The following ALCAM variants were observed in gnomAD, a reference collection of about 807,000 sequenced individuals.
The protein encoded by ALCAM is CD166 antigen.
Under a neutral mutation model 70.9 loss-of-function variants are expected in ALCAM, and 30 were observed. The observed-to-expected ratio is 0.42, with a 90% CI of 0.32 to 0.57. The LOEUF is 0.57. Among genes scored for constraint, ALCAM ranks in the 20% least tolerant of loss-of-function variants. The probability of loss-of-function intolerance (pLI) is 0.11; values close to 1 mark genes in which losing one functional copy is unlikely to be tolerated. For missense variants in ALCAM, 591 were observed against 695.1 expected (o/e 0.85, Z 1.68); for synonymous variants, 249 against 242.5 (o/e 1.03, Z -0.25).
intron 2 of ALCAM, among the ~76,000 whole-genome samples, chr3:105,520,513 A>G (rs994662400): frequency 6.6e-6 from 1 of 152,226 alleles, no homozygotes; most frequent in Admixed American, 6.5e-5. Context: ...TCATTTGTTC[A>G]TGTTCTACTT....
At chr3:105,470,368 T>C (rs1214375190) in intron 1 of ALCAM, among the ~76,000 whole-genome samples, 2 of 151,002 alleles carry the variant, frequency 1.3e-5, no homozygotes, top group Non-Finnish European at 3.0e-5. Context: ...AAAACACATA[T>C]GGTAAATTAT....
chr3:105,520,256 C>T, intron 2 of ALCAM, 89 bp downstream of exon 2: 1 of 931,710 alleles, frequency 1.1e-6, no homozygotes, highest in South Asian at 1.5e-5. Flanking sequence ...TTCAAATTAA[C>T]CTAAATGCAA....
At chr3:105,418,826 A>C (rs906189656) in intron 1 of ALCAM, among the ~76,000 whole-genome samples, 1 of 150,814 alleles carries the variant, frequency 6.6e-6, no homozygotes, top group Non-Finnish European at 1.5e-5. Context: ...TTCACTGTAG[A>C]AAAAAAAAGA....
intron 7 of ALCAM, among the ~76,000 whole-genome samples, chr3:105,540,488 G>A (rs1209897304): frequency 6.6e-6 from 1 of 152,004 alleles, no homozygotes; most frequent in African/African-American, 2.4e-5. Flanking sequence ...CTAACCCTCA[G>A]AAGTAGGGAT....
At chr3:105,542,874 C>T (rs911493111) in intron 8 of ALCAM, among the ~76,000 whole-genome samples, 1 of 151,718 alleles carries the variant, frequency 6.6e-6, no homozygotes, top group East Asian at 1.9e-4. Context: ...TCTCCATTTA[C>T]TCCTTGCTTA....
intron 5 of ALCAM, 149 bp downstream of exon 5, chr3:105,533,839 G>A: frequency 3.3e-6 from 2 of 606,276 alleles, no homozygotes; most frequent in South Asian, 2.1e-5. Flanking sequence ...GGATCAGGGT[G>A]GGGGGATGGT....
chr3:105,472,471 T>C (rs949726561), intron 1 of ALCAM, among the ~76,000 whole-genome samples: 9 of 151,584 alleles, frequency 5.9e-5, no homozygotes, highest in African/African-American at 2.2e-4. Flanking sequence ...TTATCATTTC[T>C]GCTGTGAAGC....
In ALCAM at chr3:105,444,012, A is replaced by G. The variant is rs572595174; in HGVS notation, c.74-76055A>G. Among the ~76,000 whole-genome samples, 10 of 152,320 alleles carry G rather than the reference A, an allele frequency of 6.6e-5. No individual in the cohort carries two copies. In the South Asian group the frequency reaches 2.1e-3, roughly 32 times the overall value. ...TGAACTTGTGTTATACCTTTCAAATAACAGTAACCACCTCTAATTTCTTAA... is the reference window on the plus strand; with the variant it reads ...TGAACTTGTGTTATACCTTTCAAATGACAGTAACCACCTCTAATTTCTTAA... On this transcript the variant is annotated intron_variant, in intron 1 of 15. Coordinates refer to ENST00000306107, the MANE Select transcript of ALCAM (RefSeq NM_001627.4).
intron 1 of ALCAM, among the ~76,000 whole-genome samples, chr3:105,376,055 A>T (rs906430462): frequency 6.6e-6 from 1 of 152,136 alleles, no homozygotes; most frequent in Non-Finnish European, 1.5e-5. Flanking sequence ...GAGTTAAATT[A>T]TGGAAAGTTC....
chr3:105,525,231 A>T lies in ALCAM; in HGVS notation c.394+723A>T, dbSNP rs1016442304. On this transcript the variant is annotated intron_variant, in intron 3 of 15. Coordinates refer to ENST00000306107, the MANE Select transcript of ALCAM (RefSeq NM_001627.4). The stretch of plus-strand genomic sequence containing the variant: ...GAGAAAGTAGAGTAGTGATGGAAGA[A>T]GAGAAAATTGTAGAAGAAACTTGGA... 16 of 985,156 alleles carry T rather than the reference A, an allele frequency of 1.6e-5. No homozygotes were observed. The African/African-American group carries it at 2.8e-4, about 17-fold the overall frequency. 61.0% of individuals were successfully genotyped at this position (985,156 alleles called of 1,614,324 possible).
chr3:105,532,011 C>A lies in ALCAM; in HGVS notation c.404C>A (p.Ser135Tyr), dbSNP rs1939851171. 2 of 1,613,186 alleles carry A rather than the reference C, an allele frequency of 1.2e-6. No homozygotes were observed. Among genetic ancestry groups the A allele is most frequent in the Admixed American group, 3.3e-5 (2 of 59,988 alleles). ...PTIVKVFKQP[S>Y]KPEIVSKALF... is the part of the protein sequence containing the mutation. ...CTCTGCTTAACTTTAGAGCAACCAT[C>A]TAAACCTGAAATTGTAAGCAAAGCA... The change falls in exon 4 of 16, where the codon TCT becomes TAT. Residue 135 changes from serine to tyrosine, a missense_variant. Physicochemically the swap from Ser to Tyr is moderately radical, Grantham distance 144. This residue lies in a region of ALCAM where 427 missense variants were observed against 450.4 expected (regional missense o/e 0.95). Coordinates refer to ENST00000306107, the MANE Select transcript of ALCAM (RefSeq NM_001627.4).
At chr3:105,517,826 C>CA (rs1939421171) in intron 1 of ALCAM, among the ~76,000 whole-genome samples, 1 of 152,024 alleles carries the variant, frequency 6.6e-6, no homozygotes, top group South Asian at 2.1e-4. Context: ...TCTGATTTTC[C>CA]AAAATGTTAG....
At chr3:105,447,890 T>A (rs62263608) in intron 1 of ALCAM, among the ~76,000 whole-genome samples, 23,726 of 152,200 alleles carry the variant, frequency 0.16, 2,112 homozygotes, top group Non-Finnish European at 0.21. Context: ...CTATACCTAT[T>A]TTTCTTTCTA....
At chr3:105,463,593 G>T (rs1405338386) in intron 1 of ALCAM, among the ~76,000 whole-genome samples, 6 of 151,306 alleles carry the variant, frequency 4.0e-5, no homozygotes, top group African/African-American at 1.5e-4. Context: ...AGAAAAAGAG[G>T]ATTATTCAAT....
At chr3:105,514,097 G>A (rs1939316548) in intron 1 of ALCAM, among the ~76,000 whole-genome samples, 1 of 151,786 alleles carries the variant, frequency 6.6e-6, no homozygotes. Context: ...TCATTGCTGG[G>A]ATTCCTTTCT....
At chr3:105,380,340 T>C (rs1935488473) in intron 1 of ALCAM, among the ~76,000 whole-genome samples, 1 of 151,878 alleles carries the variant, frequency 6.6e-6, no homozygotes, top group South Asian at 2.1e-4. Flanking sequence ...TCCACTAACA[T>C]GGTTAAAAAA....
chr3:105,404,787 GCAGAATGA>G (rs1559779943), intron 1 of ALCAM, among the ~76,000 whole-genome samples: 1 of 152,034 alleles, frequency 6.6e-6, no homozygotes, highest in Non-Finnish European at 1.5e-5. Context: ...CTTAAAAGAT[GCAGAATGA>G]CAGAATGGAT....
At chr3:105,511,469 CT>C (rs1421055891) in intron 1 of ALCAM, among the ~76,000 whole-genome samples, 2 of 151,994 alleles carry the variant, frequency 1.3e-5, no homozygotes, top group Non-Finnish European at 2.9e-5. Flanking sequence ...TTATAGTAAG[CT>C]GACTTCAGTT....
intron 1 of ALCAM, among the ~76,000 whole-genome samples, chr3:105,475,004 C>T (rs1938062619): frequency 6.6e-6 from 1 of 151,748 alleles, no homozygotes; most frequent in African/African-American, 2.4e-5. Context: ...ATTTAATTAT[C>T]TAACAACTAT....
Sources: gnomAD v4.1 joint callset for allele counts (sites outside exome capture counted in the v4.1 genomes callset) on GRCh38, gnomAD v4.1.1 for gene constraint, gnomAD v4.1.1 regional missense constraint, MANE v1.5 for transcripts, NCBI Gene and HGNC (gene_info 2026-07-23, HGNC 2026-07-21) for gene names.